The following TAF3 variants were observed in gnomAD, a reference collection of about 807,000 sequenced individuals.
TAF3 encodes the protein TATA-box binding protein associated factor 3, also known as transcription initiation factor TFIID subunit 3.
In TAF3, 7 loss-of-function variants were observed where a neutral mutation model predicts 80.6. The observed-to-expected ratio is 0.09, with a 90% CI of 0.05 to 0.16. The LOEUF (loss-of-function observed/expected upper bound fraction) is 0.16, where lower values mean the gene tolerates loss of function less well. Ranked by LOEUF, TAF3 falls within the 10% of genes least tolerant of loss-of-function variation. The pLI, the probability that TAF3 is intolerant of heterozygous loss-of-function variation, is 1.00. For missense variants in TAF3, 921 were observed against 1,140.2 expected (o/e 0.81, Z 2.77); for synonymous variants, 444 against 446.1 (o/e 1.00, Z 0.06).
At chr10:7,960,629 G>A (rs1229267101) in intron 2 of TAF3, among the ~76,000 whole-genome samples, 1 of 152,208 alleles carries the variant, frequency 6.6e-6, no homozygotes, top group African/African-American at 2.4e-5. Context: ...AAGTTAGCAT[G>A]GCTGGAATGG....
At position 7,878,690 on chromosome 10, in the gene TAF3, A is replaced by AATGTATGT. The variant is rs58593612; in HGVS notation, c.409+54177_409+54184dup. 8.3e-3 allele frequency among the ~76,000 whole-genome samples: 1,218 copies of AATGTATGT among 146,998 alleles called. 12 individuals carry two copies. Among genetic ancestry groups the AATGTATGT allele is most frequent in the African/African-American group, 0.025 (995 of 39,100 alleles). On this transcript the variant is annotated intron_variant, in intron 2 of 6. Coordinates refer to ENST00000344293, the MANE Select transcript of TAF3 (RefSeq NM_031923.4). ...TAGATGCACTATAATTAATTCAACC[A>AATGTATGT]ATGTATGTATGTATGTATGTATGTA...
chr10:7,844,866 GA>G (rs1424188484), intron 2 of TAF3, among the ~76,000 whole-genome samples: 1 of 151,950 alleles, frequency 6.6e-6, no homozygotes, highest in African/African-American at 2.4e-5. Flanking sequence ...ATTTTTAAAA[GA>G]ATATGCCATT....
In TAF3 at chr10:8,009,177, C is replaced by A; in HGVS notation, c.2415C>A (p.Pro805=). ...PPPAPAPAPG[P]MLVSPAPVPL... ...CGGCCCCCGCGCCCGCCCCCGGCCC[C>A]ATGCTCGTCAGCCCTGCGCCCGTGC... The change falls in exon 5 of 7, where the codon CCC becomes CCA. Residue 805 remains proline (P), a synonymous_variant. Transcript: ENST00000344293. This position sits in a 1 kb window ranked among gnomAD's most constrained non-coding sequence, Gnocchi z 4.1. 6.6e-7 allele frequency: 1 copy of A among 1,523,414 alleles called. No individual in the cohort carries two copies. The highest frequency in any genetic ancestry group is 1.2e-5 in the South Asian group (1 of 85,290). The allele number at this position is 1,523,414 out of a possible 1,614,324, so 94.4% of individuals were successfully genotyped here. A position where few individuals can be genotyped will look rare whatever the true frequency, so the allele number is the denominator to read the frequency against.
intron 4 of TAF3, among the ~76,000 whole-genome samples, chr10:8,000,233 C>T (rs1746347749): frequency 6.6e-6 from 1 of 152,060 alleles, no homozygotes; most frequent in Admixed American, 6.5e-5. Context: ...TCTCTAGCCT[C>T]AGCCTCCTGA....
chr10:7,913,092 G>A (rs987517009), intron 2 of TAF3, among the ~76,000 whole-genome samples: 24 of 152,166 alleles, frequency 1.6e-4, no homozygotes, highest in African/African-American at 5.3e-4. Context: ...TTTCCTCTCC[G>A]CACACACGCC....
chr10:7,933,834 A>G (rs562589777), intron 2 of TAF3, among the ~76,000 whole-genome samples: 38 of 152,336 alleles, frequency 2.5e-4, no homozygotes, highest in African/African-American at 8.7e-4. Flanking sequence ...TGGCTATTAT[A>G]ATATTGGAGA....
At chr10:7,869,420 A>G (rs1002206423) in intron 2 of TAF3, among the ~76,000 whole-genome samples, 4 of 152,170 alleles carry the variant, frequency 2.6e-5, no homozygotes, top group African/African-American at 9.7e-5. Flanking sequence ...TTTTCTCCCC[A>G]GCTTATTTTA....
At chr10:7,966,585 A>T (rs1831573514) in intron 3 of TAF3, among the ~76,000 whole-genome samples, 1 of 152,142 alleles carries the variant, frequency 6.6e-6, no homozygotes, top group African/African-American at 2.4e-5. Context: ...TTTCCGAAAA[A>T]GTATCTCTTC....
intron 2 of TAF3, among the ~76,000 whole-genome samples, chr10:7,827,479 T>G (rs756540196): frequency 6.6e-6 from 1 of 151,830 alleles, no homozygotes; most frequent in Admixed American, 6.6e-5. Flanking sequence ...AGACCTCATC[T>G]CTACTAAAAA....
intron 2 of TAF3, among the ~76,000 whole-genome samples, chr10:7,851,594 G>A (rs975646587): frequency 5.3e-5 from 8 of 151,978 alleles, no homozygotes; most frequent in Admixed American, 2.0e-4. Flanking sequence ...AGCTTCACCC[G>A]TATCTACTCA....
intron 2 of TAF3, among the ~76,000 whole-genome samples, chr10:7,867,253 T>TCACA (rs201281091): frequency 3.4e-4 from 52 of 150,826 alleles, no homozygotes; most frequent in Admixed American, 1.2e-3. Flanking sequence ...AGTGAGACTG[T>TCACA]CACACACACA....
chr10:7,881,665 A>G (rs1050686134), intron 2 of TAF3, among the ~76,000 whole-genome samples: 1 of 152,200 alleles, frequency 6.6e-6, no homozygotes, highest in Non-Finnish European at 1.5e-5. Context: ...ACAATCATGC[A>G]TTTAGATGTA....
chr10:7,863,738 T>TATATATATACACATATATATATACAC (rs1564350992), intron 2 of TAF3, among the ~76,000 whole-genome samples: 31 of 124,994 alleles, frequency 2.5e-4, no homozygotes, highest in African/African-American at 6.6e-4. Context: ...TATATACACA[T>TATATATATACACATATATATATACAC]ATATATATAC....
chr10:7,934,368 A>G (rs1284074010), intron 2 of TAF3, among the ~76,000 whole-genome samples: 11 of 152,208 alleles, frequency 7.2e-5, no homozygotes, highest in Non-Finnish European at 1.5e-4. Flanking sequence ...TCTTAGATTC[A>G]ATGAAATGTG....
intron 1 of TAF3, among the ~76,000 whole-genome samples, chr10:7,819,679 G>A (rs1465969165): frequency 2.7e-5 from 4 of 150,674 alleles, no homozygotes; most frequent in Non-Finnish European, 5.9e-5. Context: ...TTATCTTGTT[G>A]ATGTGAAGCA....
chr10:7,932,830 A>C (rs1837881046), intron 2 of TAF3, among the ~76,000 whole-genome samples: 1 of 151,944 alleles, frequency 6.6e-6, no homozygotes, highest in South Asian at 2.1e-4. Flanking sequence ...GATATGCACT[A>C]CCACACCGAG....
intron 2 of TAF3, among the ~76,000 whole-genome samples, chr10:7,897,293 A>T (rs1837513752): frequency 6.6e-6 from 1 of 152,188 alleles, no homozygotes; most frequent in Non-Finnish European, 1.5e-5. Flanking sequence ...TGGCTACCAC[A>T]GCTCATTTGA....
chr10:7,897,680 T>C (rs191164028), intron 2 of TAF3, among the ~76,000 whole-genome samples: 53 of 151,420 alleles, frequency 3.5e-4, no homozygotes, highest in African/African-American at 1.0e-3. Context: ...TTCTTTCTTT[T>C]TTTTTTTTTT....
intron 2 of TAF3, among the ~76,000 whole-genome samples, chr10:7,826,571 CAA>C (rs1457088618): frequency 2.0e-5 from 3 of 151,954 alleles, no homozygotes; most frequent in African/African-American, 4.8e-5. Context: ...TTTATGCAAA[CAA>C]TATAAATTAT....
Sources: gnomAD v4.1 joint callset for allele counts (sites outside exome capture counted in the v4.1 genomes callset) on GRCh38, gnomAD v4.1.1 for gene constraint, Gnocchi (gnomAD v3.1) non-coding constraint, MANE v1.5 for transcripts, NCBI Gene and HGNC (gene_info 2026-07-23, HGNC 2026-07-21) for gene names.